Variants in DIAPH2 observed in about 807,000 individuals in gnomAD.
DIAPH2 encodes diaphanous related formin 2.
In DIAPH2, 35 loss-of-function variants were observed where a neutral mutation model predicts 92.7. The ratio of observed to expected loss-of-function variants is 0.38; its 90% CI spans 0.29 to 0.50. The LOEUF (loss-of-function observed/expected upper bound fraction) is 0.50, where lower values mean the gene tolerates loss of function less well. Ranked by LOEUF, DIAPH2 falls within the 20% of genes least tolerant of loss-of-function variation. The probability of loss-of-function intolerance (pLI) is 0.94; values close to 1 mark genes in which losing one functional copy is unlikely to be tolerated. For missense variants in DIAPH2, 701 were observed against 819.5 expected, an observed-to-expected ratio of 0.86 and a Z score of 1.77; for synonymous variants, 301 against 280.4, an observed-to-expected ratio of 1.07 and a Z score of -0.73.
chrX:96,977,334 C>T (rs1243351119), intron 17 of DIAPH2, among the ~76,000 whole-genome samples: 2 of 111,515 alleles, frequency 1.8e-5, no homozygotes, highest in Admixed American at 9.6e-5. Context: ...AGTGGTAAAA[C>T]GTTGCCGTGA....
chrX:97,154,740 T>C (rs2067310082), intron 22 of DIAPH2, among the ~76,000 whole-genome samples: 1 of 112,172 alleles, frequency 8.9e-6, no homozygotes, highest in Non-Finnish European at 1.9e-5. Flanking sequence ...AAATTGTTCA[T>C]TTGTATCCCT....
At chrX:97,438,856 T>A (rs1367909818) in intron 26 of DIAPH2, among the ~76,000 whole-genome samples, 2 of 112,222 alleles carry the variant, frequency 1.8e-5, no homozygotes, top group African/African-American at 6.5e-5. Context: ...CAATCACTAA[T>A]AATTATGCCA....
At chrX:96,813,643 T>C (rs2064705451) in intron 4 of DIAPH2, among the ~76,000 whole-genome samples, 1 of 111,768 alleles carries the variant, frequency 8.9e-6, no homozygotes, top group African/African-American at 3.3e-5. Flanking sequence ...ATTTGGCATG[T>C]TTTTGCAGTG....
intron 1 of DIAPH2, among the ~76,000 whole-genome samples, chrX:96,723,633 C>T (rs1569375261): frequency 3.6e-5 from 4 of 111,960 alleles, no homozygotes. Flanking sequence ...ATTCAACCAT[C>T]ATTGAGAACT....
intron 4 of DIAPH2, among the ~76,000 whole-genome samples, chrX:96,873,063 T>C (rs2065154374): frequency 8.9e-6 from 1 of 111,816 alleles, no homozygotes; most frequent in African/African-American, 3.3e-5. Context: ...GGTTCCCTTT[T>C]CTCCACATCC....
At chrX:97,137,282 T>C (rs758969877) in intron 21 of DIAPH2, among the ~76,000 whole-genome samples, 5,054 of 85,145 alleles carry the variant, frequency 0.059, 131 homozygotes, top group Admixed American at 0.075. Flanking sequence ...TATATATATA[T>C]ATATATATAT....
chrX:97,220,986 C>G (rs2067920012), intron 22 of DIAPH2, among the ~76,000 whole-genome samples: 1 of 111,615 alleles, frequency 9.0e-6, no homozygotes, highest in South Asian at 3.7e-4. Flanking sequence ...GCTGTACCAT[C>G]TATTTGTGTA....
intron 4 of DIAPH2, among the ~76,000 whole-genome samples, chrX:96,846,166 A>C (rs1163306893): frequency 2.1e-5 from 2 of 95,366 alleles, no homozygotes; most frequent in African/African-American, 7.8e-5. Flanking sequence ...TTTTATATTG[A>C]GAGGGAGTTT....
intron 23 of DIAPH2, among the ~76,000 whole-genome samples, chrX:97,326,862 A>C (rs2068955753): frequency 8.9e-6 from 1 of 112,092 alleles, no homozygotes; most frequent in Non-Finnish European, 1.9e-5. Context: ...TTCACATAAG[A>C]AGTCTCTGGA....
chrX:96,971,760 C>T (rs906219500), intron 17 of DIAPH2, among the ~76,000 whole-genome samples: 1 of 111,581 alleles, frequency 9.0e-6, no homozygotes, highest in African/African-American at 3.3e-5. Context: ...GACAGTATCA[C>T]CTTTCAGAAC....
At chrX:97,157,828 A>G (rs1040221332) in intron 22 of DIAPH2, among the ~76,000 whole-genome samples, 1 of 112,183 alleles carries the variant, frequency 8.9e-6, no homozygotes, top group Non-Finnish European at 1.9e-5. Flanking sequence ...TCATATTTGT[A>G]TTTTGTGTTC....
At chrX:97,081,304 G>A (rs2066742651) in intron 19 of DIAPH2, among the ~76,000 whole-genome samples, 1 of 109,554 alleles carries the variant, frequency 9.1e-6, no homozygotes, top group African/African-American at 3.3e-5. Context: ...TTTGACCCTT[G>A]TTTGCTACTT....
At chrX:97,570,087 T>TATAC (rs2071354649) in intron 26 of DIAPH2, among the ~76,000 whole-genome samples, 1 of 26,946 alleles carries the variant, frequency 3.7e-5, no homozygotes, top group Admixed American at 5.9e-4. Flanking sequence ...TATATATATA[T>TATAC]ATATATATAT....
intron 24 of DIAPH2, among the ~76,000 whole-genome samples, chrX:97,377,426 G>T (rs1173676680): frequency 8.9e-6 from 1 of 111,905 alleles, no homozygotes; most frequent in Non-Finnish European, 1.9e-5. Context: ...AATGTGTTGT[G>T]CTCTGACATT....
At chrX:97,446,765 A>T (rs1271053300) in intron 26 of DIAPH2, among the ~76,000 whole-genome samples, 2 of 109,511 alleles carry the variant, frequency 1.8e-5, no homozygotes, top group Non-Finnish European at 1.9e-5. Context: ...CATTTTAATT[A>T]TGCATAACTT....
chrX:97,469,672 C>G (rs2070545704), intron 26 of DIAPH2: 1 of 1,194,564 alleles, frequency 8.4e-7, no homozygotes, highest in Non-Finnish European at 1.1e-6. Context: ...TAATTTTTCT[C>G]TTTATTTCTT....
chrX:96,728,230 G>T (rs1459600387), intron 1 of DIAPH2, among the ~76,000 whole-genome samples: 1 of 103,762 alleles, frequency 9.6e-6, no homozygotes, highest in Non-Finnish European at 2.0e-5. Flanking sequence ...TTTTTGGTTT[G>T]ACGGAGTCCC....
intron 3 of DIAPH2, among the ~76,000 whole-genome samples, chrX:96,750,535 G>C (rs1046378944): frequency 3.6e-5 from 4 of 111,504 alleles, no homozygotes; most frequent in Non-Finnish European, 7.5e-5. Context: ...AATTTTACGT[G>C]TAGGTTTACC....
At chrX:97,448,066 A>G (rs1318770950) in intron 26 of DIAPH2, among the ~76,000 whole-genome samples, 4 of 112,379 alleles carry the variant, frequency 3.6e-5, no homozygotes, top group Non-Finnish European at 7.5e-5. Flanking sequence ...CAAATAATAA[A>G]AGAAGGCAGA....
Sources: allele counts gnomAD v4.1 joint callset (sites outside exome capture counted in the v4.1 genomes callset), GRCh38; gene constraint gnomAD v4.1.1; transcripts MANE v1.5; gene names NCBI Gene and HGNC (gene_info 2026-07-23, HGNC 2026-07-21).